Variants in SH3BGRL observed in about 807,000 individuals in gnomAD.
The protein encoded by SH3BGRL is SH3 domain binding glutamate rich protein like, also known as adapter SH3BGRL.
A neutral mutation model predicts 9.8 loss-of-function variants in SH3BGRL; 7 were observed. That is an observed-to-expected ratio of 0.72 (90% CI 0.41 to 1.35). SH3BGRL has a LOEUF of 1.35. SH3BGRL is among the 40% of genes most tolerant of loss of function. The pLI, the probability that SH3BGRL is intolerant of heterozygous loss-of-function variation, is 0.01. For missense variants in SH3BGRL, 73 were observed against 84.4 expected, an observed-to-expected ratio of 0.86 and a Z score of 0.53; for synonymous variants, 36 against 29.1, an observed-to-expected ratio of 1.24 and a Z score of -0.76.
In SH3BGRL at chrX:81,241,252, G is replaced by T. The variant is rs982617809; in HGVS notation, c.46-35732G>T. ...TGAGAGGGATACTGAGGAGGCTGAG[G>T]GTTGCTTGGCACGGGCCTGCATGCA... is the stretch of plus-strand genomic sequence containing the variant. On this transcript the variant is annotated intron_variant, in intron 1 of 3. Coordinates refer to ENST00000373212, the MANE Select transcript of SH3BGRL (RefSeq NM_003022.3). Among the ~76,000 whole-genome samples, 2 of 112,265 alleles carry T rather than the reference G, an allele frequency of 1.8e-5. 1 individual carries two copies. Among genetic ancestry groups the T allele is most frequent in the Middle Eastern group, 8.4e-3 (2 of 239 alleles).
At chrX:81,283,661 A>G (rs2075825052) in intron 3 of SH3BGRL, among the ~76,000 whole-genome samples, 1 of 111,617 alleles carries the variant, frequency 9.0e-6, no homozygotes, top group Non-Finnish European at 1.9e-5. Flanking sequence ...CATACAAGGG[A>G]CATACCTTAA....
intron 1 of SH3BGRL, among the ~76,000 whole-genome samples, chrX:81,246,252 C>G (rs1413453578): frequency 3.6e-5 from 4 of 111,739 alleles, no homozygotes; most frequent in Non-Finnish European, 7.5e-5. Flanking sequence ...TATTGTCTCA[C>G]CTTCTATAGG....
intron 1 of SH3BGRL, among the ~76,000 whole-genome samples, chrX:81,251,887 A>G (rs1297730551): frequency 8.9e-6 from 1 of 112,183 alleles, no homozygotes; most frequent in Non-Finnish European, 1.9e-5. Flanking sequence ...AAATTGCTAC[A>G]TAGCAGTAAT....
At chrX:81,267,758 A>T (rs2075762685) in intron 1 of SH3BGRL, among the ~76,000 whole-genome samples, 1 of 111,195 alleles carries the variant, frequency 9.0e-6, no homozygotes, top group Non-Finnish European at 1.9e-5. Flanking sequence ...TTTTCTGTTG[A>T]TTGGAATAGT....
intron 1 of SH3BGRL, among the ~76,000 whole-genome samples, chrX:81,244,891 T>C (rs1402887092): frequency 9.0e-6 from 1 of 111,549 alleles, no homozygotes; most frequent in Non-Finnish European, 1.9e-5. Flanking sequence ...ACAGAGGTCA[T>C]TTTAGAACTT....
intron 1 of SH3BGRL, among the ~76,000 whole-genome samples, chrX:81,270,863 G>T (rs1403117006): frequency 4.5e-5 from 5 of 112,225 alleles, no homozygotes; most frequent in African/African-American, 1.6e-4. Context: ...AGTAGGCCTT[G>T]CTAAGCTGGG....
At chrX:81,235,767 C>G (rs201223681) in intron 1 of SH3BGRL, among the ~76,000 whole-genome samples, 2 of 111,587 alleles carry the variant, frequency 1.8e-5, no homozygotes, top group South Asian at 3.8e-4. Flanking sequence ...GCTTTTACCA[C>G]TCTAGCCTTT....
At chrX:81,208,628 C>T (rs1038800201) in intron 1 of SH3BGRL, among the ~76,000 whole-genome samples, 3 of 112,213 alleles carry the variant, frequency 2.7e-5, no homozygotes, top group Middle Eastern at 4.7e-3. Flanking sequence ...ATCTACTTTG[C>T]GGCCCACTAG....
rs1283981530 is a variant in SH3BGRL at position 81,297,823 on chromosome X, G to A, written c.*596G>A. ...GAGCTTCTAAATGTAGCCTTTCATTGCACATTTCAGTGATCAGAATAGATA... is the reference window on the plus strand; with the variant it reads ...GAGCTTCTAAATGTAGCCTTTCATTACACATTTCAGTGATCAGAATAGATA... On this transcript the variant is annotated 3_prime_UTR_variant, in exon 4 of 4. Transcript: ENST00000373212. 9.0e-6 allele frequency: 1 copy of A among 111,689 alleles called. No homozygotes were observed. Among genetic ancestry groups the A allele is most frequent in the Non-Finnish European group, 1.9e-5 (1 of 52,996 alleles). 9.2% of individuals were successfully genotyped at this position (111,689 alleles called of 1,213,427 possible).
chrX:81,267,373 T>A (rs1358178891), intron 1 of SH3BGRL, among the ~76,000 whole-genome samples: 2 of 111,877 alleles, frequency 1.8e-5, no homozygotes, highest in Non-Finnish European at 3.8e-5. Flanking sequence ...TATGTTGAGA[T>A]ACGTTTCACT....
In SH3BGRL at chrX:81,277,104, A is replaced by G. The variant is rs748337205; in HGVS notation, c.166A>G (p.Asn56Asp). 1.9e-5 allele frequency: 23 copies of G among 1,208,917 alleles called. No homozygotes were observed. The highest frequency in any genetic ancestry group is 2.5e-5 in the Non-Finnish European group (22 of 894,369). ...RKWMRENVPE[N>D]SRPATGYPLP... ...GTGGATGAGAGAAAATGTACCTGAA[A>G]ATAGTCGACCAGCCACAGGTTACCC... The change falls in exon 2 of 4, where the codon AAT becomes GAT. Residue 56 changes from asparagine (N) to aspartate (D), a missense_variant. Coordinates refer to ENST00000373212, the MANE Select transcript of SH3BGRL (RefSeq NM_003022.3).
chrX:81,252,359 C>G (rs1003804364), intron 1 of SH3BGRL, among the ~76,000 whole-genome samples: 2 of 111,637 alleles, frequency 1.8e-5, no homozygotes, highest in African/African-American at 6.5e-5. Context: ...AATAAATTAT[C>G]TATTGTTGGA....
intron 1 of SH3BGRL, chrX:81,237,170 C>T: frequency 2.0e-6 from 1 of 505,131 alleles, no homozygotes; most frequent in South Asian, 2.4e-5. Context: ...TCATCCCCTT[C>T]ACACGAACAC....
intron 1 of SH3BGRL, among the ~76,000 whole-genome samples, chrX:81,252,901 CA>C (rs200932543): frequency 1.8e-5 from 2 of 111,527 alleles, no homozygotes; most frequent in South Asian, 3.7e-4. Context: ...AAAATTAAAA[CA>C]AACAAGAGAA....
intron 3 of SH3BGRL, among the ~76,000 whole-genome samples, chrX:81,288,433 GCTAGAGCAA>G (rs2075844774): frequency 9.0e-6 from 1 of 111,687 alleles, no homozygotes; most frequent in African/African-American, 3.3e-5. Context: ...GGGAGTCTTA[GCTAGAGCAA>G]CCAGCCAAGA....
intron 1 of SH3BGRL, among the ~76,000 whole-genome samples, chrX:81,211,480 G>A (rs1288079075): frequency 9.0e-6 from 1 of 110,666 alleles, no homozygotes; most frequent in Non-Finnish European, 1.9e-5. Flanking sequence ...CCAGCTACTC[G>A]GGAGGCTGAG....
chrX:81,268,223 G>A (rs1306016226), intron 1 of SH3BGRL, among the ~76,000 whole-genome samples: 1 of 110,435 alleles, frequency 9.1e-6, no homozygotes, highest in African/African-American at 3.3e-5. Flanking sequence ...ATCTCCTTCA[G>A]TTCTGCTCTG....
intron 1 of SH3BGRL, among the ~76,000 whole-genome samples, chrX:81,231,604 A>G (rs776126121): frequency 8.9e-6 from 1 of 112,203 alleles, no homozygotes; most frequent in East Asian, 2.8e-4. Context: ...AGCTGATTAG[A>G]AGGAGGGTTC....
intron 3 of SH3BGRL, among the ~76,000 whole-genome samples, chrX:81,292,398 C>G (rs2075860926): frequency 1.8e-5 from 2 of 111,501 alleles, no homozygotes; most frequent in Admixed American, 1.9e-4. Context: ...GCTGGAGTGG[C>G]TGGAACATGA....
Sources: gnomAD v4.1 joint callset for allele counts (sites outside exome capture counted in the v4.1 genomes callset) on GRCh38, gnomAD v4.1.1 for gene constraint, MANE v1.5 for transcripts, NCBI Gene and HGNC (gene_info 2026-07-23, HGNC 2026-07-21) for gene names.